MTCH2: variants seen among roughly 807,000 people sequenced by gnomAD.
MTCH2 encodes mitochondrial carrier 2.
A neutral mutation model predicts 50.6 loss-of-function variants in MTCH2; 25 were observed. The ratio of observed to expected loss-of-function variants is 0.49; its 90% CI spans 0.36 to 0.69. MTCH2 has a LOEUF of 0.69. Among genes scored for constraint, MTCH2 ranks in the 30% least tolerant of loss-of-function variants. The pLI, the probability that MTCH2 is intolerant of heterozygous loss-of-function variation, is 0.00. For synonymous variants in MTCH2, 106 were observed against 132.0 expected (o/e 0.80, Z 1.35); for missense variants, 273 against 384.4 (o/e 0.71, Z 2.42).
At chr11:47,614,132 T>A (rs2097287024), downstream of MTCH2, among the ~76,000 whole-genome samples, 1 of 152,068 alleles carries the variant, frequency 6.6e-6, no homozygotes. Context: ...GGCTACAATT[T>A]TAGCATTTTA....
chr11:47,619,803 A>G (rs1438296980), intron 12 of MTCH2, among the ~76,000 whole-genome samples: 1 of 152,088 alleles, frequency 6.6e-6, no homozygotes, highest in African/African-American at 2.4e-5. Flanking sequence ...TTGGGCAGAC[A>G]TGGTGGCTCA....
rs139407275 is a variant in MTCH2, at chr11:47,634,769, A to ATTTTT, written c.307-40_307-36dup. On this transcript the variant is annotated intron_variant, in intron 4 of 12. Coordinates refer to ENST00000302503, the MANE Select transcript of MTCH2 (RefSeq NM_014342.4). ...AAAATCAAAGAAAATAGAGATCTTG[A>ATTTTT]TTTTTTTTTTTTTTTTTTTTTGAGA... The ATTTTT allele has an allele frequency of 8.4e-4, 623 of 738,940 alleles. 1 individual carries two copies. Among genetic ancestry groups the ATTTTT allele is most frequent in the South Asian group, 3.3e-3 (162 of 49,354 alleles). The allele number at this position is 738,940 out of a possible 1,614,324, so 45.8% of individuals were successfully genotyped here. A position where few individuals can be genotyped will look rare whatever the true frequency, so the allele number is the denominator to read the frequency against.
At chr11:47,609,293 A>G in the MTCH2 span, among the ~76,000 whole-genome samples, 1 of 151,298 alleles carries the variant, frequency 6.6e-6, no homozygotes. Context: ...CGTCTCTACT[A>G]AAAATACAAA....
intron 1 of MTCH2, among the ~76,000 whole-genome samples, chr11:47,641,900 A>G (rs1216712905): frequency 6.6e-6 from 1 of 152,164 alleles, no homozygotes; most frequent in Non-Finnish European, 1.5e-5. Context: ...ACAGTAGCAT[A>G]AAAAGAAAAA....
intron 7 of MTCH2, 89 bp from the exon 8 acceptor site, chr11:47,630,703 C>A: frequency 1.7e-6 from 2 of 1,209,124 alleles, no homozygotes; most frequent in South Asian, 1.3e-5. Flanking sequence ...TGGACAAGGT[C>A]AAATCCACGA....
In MTCH2 at chr11:47,630,369, T is replaced by C. The variant is rs1217054724; in HGVS notation, c.539+186A>G. Among the ~76,000 whole-genome samples, 4 of 152,128 alleles carry C rather than the reference T, an allele frequency of 2.6e-5. No individual in the cohort carries two copies. The East Asian group carries it at 7.7e-4, about 29-fold the overall frequency. On this transcript the variant is annotated intron_variant, in intron 8 of 12. Transcript: ENST00000302503. The stretch of plus-strand genomic sequence containing the variant: ...TCTTTACAAGATAATTCTAGTCATA[T>C]GGGGCCTAAATATGCCTTTCTGCAG...
chr11:47,625,644 C>T, intron 11 of MTCH2, 30 bp downstream of exon 11: 2 of 1,223,172 alleles, frequency 1.6e-6, no homozygotes, highest in Non-Finnish European at 2.1e-6. Context: ...AGTCAACCAC[C>T]TACTAGAATA....
At chr11:47,638,545 CAA>C (rs59317101) in intron 3 of MTCH2, among the ~76,000 whole-genome samples, 152 bp downstream of exon 3, 2 of 53,078 alleles carry the variant, frequency 3.8e-5, no homozygotes, top group Non-Finnish European at 6.4e-5. Context: ...GACTCCATCT[CAA>C]AAAAAAAAAA....
At chr11:47,609,964 C>T in the MTCH2 span, among the ~76,000 whole-genome samples, 1 of 152,190 alleles carries the variant, frequency 6.6e-6, no homozygotes, top group Non-Finnish European at 1.5e-5. Flanking sequence ...AGGGAGGACA[C>T]AAACTCATCT....
rs1339667561 is a variant in MTCH2, at chr11:47,618,806, A to G, written c.*27T>C. ...TAATTCTGTGCATCTGGGACTACAGAAATGTCACTGTCCCTGCCCCACATC... is the reference window on the plus strand; with the variant it reads ...TAATTCTGTGCATCTGGGACTACAGGAATGTCACTGTCCCTGCCCCACATC... On this transcript the variant is annotated 3_prime_UTR_variant, in exon 13 of 13. Coordinates refer to ENST00000302503, the MANE Select transcript of MTCH2 (RefSeq NM_014342.4). The G allele has an allele frequency of 6.3e-7, 1 of 1,597,200 alleles. No individual in the cohort carries two copies.
At chr11:47,633,526 ATTTTTTTTTTT>A (rs869251946) in intron 5 of MTCH2, among the ~76,000 whole-genome samples, 16 of 35,078 alleles carry the variant, frequency 4.6e-4, no homozygotes, top group Admixed American at 9.1e-4. Flanking sequence ...ATATATATAT[ATTTTTTTTTTT>A]TTTTTTTTTT....
chr11:47,607,950 T>C, the MTCH2 span, among the ~76,000 whole-genome samples: 6 of 152,288 alleles, frequency 3.9e-5, no homozygotes, highest in African/African-American at 9.6e-5. Context: ...CATACTTCAC[T>C]CTTCGTTAAA....
At chr11:47,614,579 G>A (rs1284337235), downstream of MTCH2, among the ~76,000 whole-genome samples, 1 of 152,022 alleles carries the variant, frequency 6.6e-6, no homozygotes, top group African/African-American at 2.4e-5. Flanking sequence ...CAATTCTCCT[G>A]CCTCAGCCTC....
the MTCH2 span, among the ~76,000 whole-genome samples, chr11:47,609,230 G>A: frequency 4.5e-4 from 68 of 151,078 alleles, 3 homozygotes; most frequent in South Asian, 0.012. Flanking sequence ...CGAGGCGGGC[G>A]GATCACCTGA....
chr11:47,619,534 CTATT>C (rs1316842223), intron 12 of MTCH2, among the ~76,000 whole-genome samples: 1 of 152,064 alleles, frequency 6.6e-6, no homozygotes, highest in African/African-American at 2.4e-5. Context: ...CATACCCGGC[CTATT>C]TATTTCTTAA....
chr11:47,631,297 T>C (rs1002240936), intron 6 of MTCH2, among the ~76,000 whole-genome samples: 2 of 151,972 alleles, frequency 1.3e-5, no homozygotes, highest in African/African-American at 4.8e-5. Flanking sequence ...TAATCCCAGC[T>C]CCTTAGGAGG....
chr11:47,618,914 A>G lies in MTCH2; in HGVS notation c.831T>C (p.Asn277=). The G allele has an allele frequency of 2.1e-6, 3 of 1,400,976 alleles. No homozygotes were observed. Among genetic ancestry groups the G allele is most frequent in the East Asian group, 2.5e-5 (1 of 40,084 alleles). 86.8% of individuals were successfully genotyped at this position (1,400,976 alleles called of 1,614,324 possible). A position where few individuals can be genotyped will look rare whatever the true frequency, so the allele number is the denominator to read the frequency against. The change falls in exon 13 of 13, where the codon AAT becomes AAC. Residue 277 remains asparagine, a synonymous_variant. Coordinates refer to ENST00000302503, the MANE Select transcript of MTCH2 (RefSeq NM_014342.4). ...AAAATAAGCTATTTCCTCGGCTCAT[A>G]TTCCCCTGGAAAACAAAACAAAACA... ...DCWCMLQKEG[N]MSRGNSLFFR...
At chr11:47,623,378 A>T (rs1197906339) in intron 11 of MTCH2, among the ~76,000 whole-genome samples, 28 of 147,826 alleles carry the variant, frequency 1.9e-4, no homozygotes, top group African/African-American at 6.9e-4. Flanking sequence ...TCTTTTTTTA[A>T]AAAAAAAAAA....
At chr11:47,611,386 C>CA in the MTCH2 span, among the ~76,000 whole-genome samples, 6 of 152,244 alleles carry the variant, frequency 3.9e-5, no homozygotes, top group Admixed American at 3.9e-4. Flanking sequence ...AGTCTGATGC[C>CA]AGAAGGGCAG....
Sources: gnomAD v4.1 joint callset for allele counts (sites outside exome capture counted in the v4.1 genomes callset) on GRCh38, gnomAD v4.1.1 for gene constraint, MANE v1.5 for transcripts, NCBI Gene and HGNC (gene_info 2026-07-23, HGNC 2026-07-21) for gene names.